The following CEP290 variants were observed in gnomAD, a reference collection of about 807,000 sequenced individuals.
CEP290 encodes centrosomal protein of 290 kDa.
A neutral mutation model predicts 344.9 loss-of-function variants in CEP290; 317 were observed. The ratio of observed to expected loss-of-function variants is 0.92; its 90% CI spans 0.84 to 1.01. CEP290 has a LOEUF of 1.01. Ranked by LOEUF, CEP290 falls within the 50% of genes least tolerant of loss-of-function variation. CEP290 has a pLI of 0.00. For synonymous variants in CEP290, 932 were observed against 895.8 expected (o/e 1.04, Z -0.72); for missense variants, 2,754 against 2,761.4 (o/e 1.00, Z 0.06).
intron 6 of CEP290, 195 bp downstream of exon 6, chr12:88,136,448 G>T: frequency 1.8e-6 from 1 of 563,516 alleles, no homozygotes; most frequent in Non-Finnish European, 3.1e-6. Context: ...TAATCTTCAA[G>T]TCATATTCAC....
intron 47 of CEP290, among the ~76,000 whole-genome samples, 187 bp downstream of exon 47, chr12:88,060,643 G>A (rs980070331): frequency 1.3e-5 from 2 of 151,940 alleles, no homozygotes; most frequent in African/African-American, 4.8e-5. Flanking sequence ...GAAATAACAA[G>A]AAAGATCAGG....
intron 9 of CEP290, 145 bp downstream of exon 9, chr12:88,130,123 A>T: frequency 1.0e-6 from 1 of 956,682 alleles, no homozygotes. Flanking sequence ...AACTTCAAAG[A>T]TGTAATTTAT....
chr12:88,080,056 A>C (rs1592817291), intron 38 of CEP290, 126 bp downstream of exon 38: 1 of 668,822 alleles, frequency 1.5e-6, no homozygotes. Context: ...GCATAAGATA[A>C]AGCTCATACT....
At chr12:88,113,005 T>C (rs2038802305) in intron 20 of CEP290, among the ~76,000 whole-genome samples, 1 of 152,098 alleles carries the variant, frequency 6.6e-6, no homozygotes, top group African/African-American at 2.4e-5. Context: ...TAATCCAGCA[T>C]TGTCTGGTCT....
intron 22 of CEP290, among the ~76,000 whole-genome samples, chr12:88,109,942 A>G (rs942049871): frequency 2.6e-5 from 4 of 152,180 alleles, no homozygotes; most frequent in African/African-American, 9.6e-5. Flanking sequence ...TAATGTTAAA[A>G]TTATACATTT....
rs117370446 is a variant in CEP290, at chr12:88,079,134, G to A, written c.5322C>T (p.Leu1774=). Residue 1774 remains leucine, a synonymous_variant, in exon 39 of 54, where the codon CTC becomes CTT. Transcript: ENST00000552810. ...GTCGATCAACGATTTGTTGAACATTGAGATGGGCCTCTTTTTGAGAAGTTG... is the reference window on the plus strand; with the variant it reads ...GTCGATCAACGATTTGTTGAACATTAAGATGGGCCTCTTTTTGAGAAGTTG... ...ISATSQKEAH[L]NVQQIVDRHT... 5,927 of 1,597,012 alleles carry A rather than the reference G, an allele frequency of 3.7e-3. 18 individuals are homozygous for A. Among genetic ancestry groups the A allele is most frequent in the Middle Eastern group, 9.3e-3 (56 of 6,020 alleles).
chr12:88,115,904 T>C (rs1468520874), intron 18 of CEP290: 2 of 984,222 alleles, frequency 2.0e-6, no homozygotes, highest in Admixed American at 6.1e-5. Context: ...TCAATATCTC[T>C]GTCTGTAAGG....
intron 17 of CEP290, among the ~76,000 whole-genome samples, 179 bp from the exon 18 acceptor site, chr12:88,117,324 A>G (rs1206845505): frequency 6.6e-6 from 1 of 152,232 alleles, no homozygotes; most frequent in East Asian, 1.9e-4. Context: ...CTTTTAATGA[A>G]CTATTAATAA....
At chr12:88,121,465 T>A (rs1341153099) in intron 13 of CEP290, among the ~76,000 whole-genome samples, 1 of 152,050 alleles carries the variant, frequency 6.6e-6, no homozygotes, top group Admixed American at 6.6e-5. Context: ...ATATTTAACC[T>A]CCCTTTTGTC....
chr12:88,055,108 C>A (rs1194947879), intron 50 of CEP290, among the ~76,000 whole-genome samples: 1 of 152,016 alleles, frequency 6.6e-6, no homozygotes, highest in Non-Finnish European at 1.5e-5. Context: ...TGATGGAGAA[C>A]CACTGGAAGA....
At chr12:88,052,771 A>G (rs2033664984) in intron 52 of CEP290, among the ~76,000 whole-genome samples, 1 of 152,196 alleles carries the variant, frequency 6.6e-6, no homozygotes, top group Non-Finnish European at 1.5e-5. Context: ...CAAGATTCAG[A>G]AGTGTTACAT....
In CEP290 at chr12:88,080,356, T is replaced by A; in HGVS notation, c.5052A>T (p.Lys1684Asn). Residue 1684 changes from lysine to asparagine, a missense_variant, in exon 38 of 54, where the codon AAA becomes AAT. Lys to Asn is a moderately conservative substitution (Grantham distance 94). Transcript: ENST00000552810. ...ENHEDEVKKVKAEVEDLKYLL... is the reference protein window; with the variant it reads ...ENHEDEVKKVNAEVEDLKYLL... Reference sequence around the variant, plus strand: ...GATACTTTAAATCCTCTACTTCCGCTTTTACTTTTTTCACTTCATCTTCAT... The same window carrying A: ...GATACTTTAAATCCTCTACTTCCGCATTTACTTTTTTCACTTCATCTTCAT... 6.2e-7 allele frequency: 1 copy of A among 1,613,470 alleles called. No individual in the cohort carries two copies. Among genetic ancestry groups the A allele is most frequent in the Non-Finnish European group, 8.5e-7 (1 of 1,179,634 alleles).
chr12:88,088,218 T>C (rs982351288), intron 31 of CEP290, among the ~76,000 whole-genome samples: 3 of 152,190 alleles, frequency 2.0e-5, no homozygotes, highest in Non-Finnish European at 2.9e-5. Context: ...TATTGAACAC[T>C]GACTATAAGC....
chr12:88,058,919 C>G lies in CEP290; in HGVS notation c.6747G>C (p.Gln2249His). 6.2e-7 allele frequency: 1 copy of G among 1,613,932 alleles called. No homozygotes were observed. The highest frequency in any genetic ancestry group is 2.2e-5 in the East Asian group (1 of 44,872). Residue 2249 changes from glutamine (Q) to histidine (H), a missense_variant, in exon 49 of 54, where the codon CAG (glutamine) becomes CAC (histidine). Coordinates refer to ENST00000552810, the MANE Select transcript of CEP290 (RefSeq NM_025114.4). ...VQLEETGKRLQFAESRGPQLE... is the reference protein window; with the variant it reads ...VQLEETGKRLHFAESRGPQLE... ...GCTGTGGACCTCTGCTTTCTGCAAA[C>G]TGCAATCTCTTACCAGTCTCTTCTA... is the stretch of plus-strand genomic sequence containing the variant.
chr12:88,138,784 A>G (rs1392455937), intron 5 of CEP290, among the ~76,000 whole-genome samples: 1 of 152,224 alleles, frequency 6.6e-6, no homozygotes, highest in African/African-American at 2.4e-5. Context: ...TTGTTCTTCA[A>G]CAATACATTC....
At chr12:88,062,300 C>CA (rs1555198297) in intron 46 of CEP290, among the ~76,000 whole-genome samples, 1 of 151,170 alleles carries the variant, frequency 6.6e-6, no homozygotes, top group Non-Finnish European at 1.5e-5. Flanking sequence ...TACAAGAACA[C>CA]AAAAAAAGAG....
At chr12:88,096,664 A>G (rs1592550026) in intron 27 of CEP290, among the ~76,000 whole-genome samples, 1 of 152,262 alleles carries the variant, frequency 6.6e-6, no homozygotes, top group East Asian at 1.9e-4. Flanking sequence ...TTTAACATAT[A>G]TGATTTCATT....
Position 88,093,860 on chromosome 12 carries a change from A to G in CEP290, c.3219T>C (p.Ala1073=). 1.9e-6 allele frequency: 3 copies of G among 1,612,964 alleles called. No homozygotes were observed. Among genetic ancestry groups the G allele is most frequent in the Non-Finnish European group, 2.5e-6 (3 of 1,179,366 alleles). ...GTTCATACATTTTTTGACAATGTTC[A>G]GCCCGCTGCCTTTCATTTAATTCCT... ...EMKELNERQR[A]EHCQKMYEHL... is the part of the protein sequence containing the mutation. Residue 1073 remains alanine, a synonymous_variant, in exon 28 of 54, where the codon GCT becomes GCC. Transcript: ENST00000552810.
Position 88,071,512 on chromosome 12 carries a change from C to T in CEP290, c.5856-63G>A. The T allele has an allele frequency of 2.9e-6, 4 of 1,371,484 alleles. No individual in the cohort carries two copies. The South Asian group carries it at 5.5e-5, about 19-fold the overall frequency. 85.0% of individuals were successfully genotyped at this position (1,371,484 alleles called of 1,614,324 possible). ...CAGTGTTTGGCTTTTCAATTGCATA[C>T]TCATTACCAAACCAAATTACAATAA... On this transcript the variant is annotated intron_variant, in intron 42 of 53. Coordinates refer to ENST00000552810, the MANE Select transcript of CEP290 (RefSeq NM_025114.4).
Sources: gnomAD v4.1 joint callset for allele counts (sites outside exome capture counted in the v4.1 genomes callset) on GRCh38, gnomAD v4.1.1 for gene constraint, MANE v1.5 for transcripts, NCBI Gene and HGNC (gene_info 2026-07-23, HGNC 2026-07-21) for gene names.